ZFHX3: variants seen among roughly 807,000 people sequenced by gnomAD.
ZFHX3 encodes the protein zinc finger homeobox 3, also known as zinc finger homeobox protein 3.
In ZFHX3, 42 loss-of-function variants were observed where a neutral mutation model predicts 279.1. That is an observed-to-expected ratio of 0.15 (90% CI 0.12 to 0.19). The LOEUF (loss-of-function observed/expected upper bound fraction) is 0.19, where lower values mean the gene tolerates loss of function less well. Ranked by LOEUF, ZFHX3 falls within the 10% of genes least tolerant of loss-of-function variation. The probability of loss-of-function intolerance (pLI) is 1.00; values close to 1 mark genes in which losing one functional copy is unlikely to be tolerated. For synonymous variants in ZFHX3, 2,293 were observed against 1,957.8 expected, an observed-to-expected ratio of 1.17 and a Z score of -4.52; for missense variants, 4,981 against 4,754.0, an observed-to-expected ratio of 1.05 and a Z score of -1.40.
At chr16:72,870,417 GA>G (rs1324746313) in intron 4 of ZFHX3, among the ~76,000 whole-genome samples, 7 of 138,518 alleles carry the variant, frequency 5.1e-5, no homozygotes, top group East Asian at 2.5e-4. Flanking sequence ...AAAGAAAAAA[GA>G]AAAAAAAACG....
intron 1 of ZFHX3, among the ~76,000 whole-genome samples, chr16:73,723,247 G>C (rs976642656): frequency 2.0e-5 from 3 of 152,126 alleles, no homozygotes; most frequent in African/African-American, 7.2e-5. Flanking sequence ...TATGTGTAGA[G>C]AGTTTAGTAG....
chr16:72,818,676 G>GA (rs960380968), intron 5 of ZFHX3, among the ~76,000 whole-genome samples: 4 of 152,192 alleles, frequency 2.6e-5, no homozygotes, highest in Admixed American at 6.5e-5. Flanking sequence ...CAGCTAAAAA[G>GA]AAACTGAGGC....
chr16:72,893,380 C>G (rs1194946296), intron 3 of ZFHX3, among the ~76,000 whole-genome samples: 2 of 152,134 alleles, frequency 1.3e-5, no homozygotes, highest in Admixed American at 1.3e-4. Flanking sequence ...AGTTCTATTC[C>G]AAATGGCTGG....
At chr16:72,803,618 A>C (rs1285911614) in intron 7 of ZFHX3, among the ~76,000 whole-genome samples, 1 of 152,212 alleles carries the variant, frequency 6.6e-6, no homozygotes, top group Non-Finnish European at 1.5e-5. Flanking sequence ...GAGCCAAACG[A>C]AAAAAGTTCT....
chr16:73,672,743 C>CT (rs5817865), intron 2 of ZFHX3, among the ~76,000 whole-genome samples: 149,238 of 152,208 alleles, frequency 0.98, 73,192 homozygotes, highest in East Asian at 1. Context: ...AGAGCATATG[C>CT]TTTTTATACC....
At chr16:73,810,881 A>G (rs961982174) in intron 1 of ZFHX3, among the ~76,000 whole-genome samples, 2 of 152,070 alleles carry the variant, frequency 1.3e-5, no homozygotes, top group African/African-American at 4.8e-5. Flanking sequence ...CTAAAATTCT[A>G]CTAATTTTAT....
intron 2 of ZFHX3, among the ~76,000 whole-genome samples, chr16:73,496,782 G>C (rs1266868067): frequency 6.6e-6 from 1 of 152,150 alleles, no homozygotes; most frequent in Non-Finnish European, 1.5e-5. Context: ...TGCCAAATGG[G>C]AGGCACTGGG....
intron 1 of ZFHX3, among the ~76,000 whole-genome samples, chr16:73,887,868 A>T (rs2030399867): frequency 6.6e-6 from 1 of 152,124 alleles, no homozygotes; most frequent in Non-Finnish European, 1.5e-5. Flanking sequence ...TTTTTAAAAA[A>T]ACAAACTTTT....
At chr16:73,388,232 G>A (rs1314907080) in intron 3 of ZFHX3, among the ~76,000 whole-genome samples, 1 of 152,108 alleles carries the variant, frequency 6.6e-6, no homozygotes, top group Non-Finnish European at 1.5e-5. Context: ...AAGTGTCTAT[G>A]TGTATCCAGG....
intron 3 of ZFHX3, among the ~76,000 whole-genome samples, chr16:73,329,462 T>G (rs577591235): frequency 1.3e-5 from 2 of 152,392 alleles, no homozygotes; most frequent in South Asian, 4.1e-4. Flanking sequence ...CATGTCCAGA[T>G]GCCTCGACCG....
chr16:73,055,945 G>A (rs1965547792), intron 1 of ZFHX3, among the ~76,000 whole-genome samples: 1 of 152,070 alleles, frequency 6.6e-6, no homozygotes, highest in Non-Finnish European at 1.5e-5. Context: ...CTCCTCTCTG[G>A]ACCGGAGCAG....
intron 5 of ZFHX3, among the ~76,000 whole-genome samples, chr16:73,155,180 C>CAAAAAAAAAAAA (rs780941621): frequency 9.5e-6 from 1 of 105,174 alleles, no homozygotes; most frequent in South Asian, 2.9e-4. Flanking sequence ...CTCAAAAAAA[C>CAAAAAAAAAAAA]AAAAAAAAAA....
chr16:72,860,511 A>C (rs986846752), intron 4 of ZFHX3, among the ~76,000 whole-genome samples: 2 of 151,996 alleles, frequency 1.3e-5, no homozygotes, highest in African/African-American at 4.8e-5. Flanking sequence ...GCTCACTGCA[A>C]CCTCTCCCTC....
intron 2 of ZFHX3, among the ~76,000 whole-genome samples, chr16:73,543,508 TGGTAA>T (rs2020053487): frequency 5.3e-5 from 8 of 152,102 alleles, no homozygotes; most frequent in African/African-American, 1.9e-4. Flanking sequence ...TAGAAACCCC[TGGTAA>T]TTAGCAGCGG....
intron 3 of ZFHX3, among the ~76,000 whole-genome samples, chr16:73,411,364 T>C (rs2017462822): frequency 6.6e-6 from 1 of 152,228 alleles, no homozygotes; most frequent in South Asian, 2.1e-4. Flanking sequence ...AATATGCACA[T>C]AAACTATTCC....
chr16:73,817,228 G>T (rs968690460), intron 1 of ZFHX3, among the ~76,000 whole-genome samples: 1 of 152,192 alleles, frequency 6.6e-6, no homozygotes, highest in Admixed American at 6.5e-5. Flanking sequence ...TTCATACCAT[G>T]ACTCAGGTCC....
chr16:73,693,259 G>C (rs1258874433), intron 1 of ZFHX3, among the ~76,000 whole-genome samples: 1 of 152,062 alleles, frequency 6.6e-6, no homozygotes, highest in East Asian at 1.9e-4. Flanking sequence ...ATTTTTTCCA[G>C]TACCATGTCC....
At chr16:73,603,966 A>G (rs1250384769) in intron 2 of ZFHX3, among the ~76,000 whole-genome samples, 1 of 151,750 alleles carries the variant, frequency 6.6e-6, no homozygotes, top group Non-Finnish European at 1.5e-5. Context: ...TCCAGTAGAG[A>G]TAGTGTTTCT....
chr16:73,089,189 C>G (rs200370320), intron 8 of ZFHX3, among the ~76,000 whole-genome samples: 1 of 152,032 alleles, frequency 6.6e-6, no homozygotes, highest in Non-Finnish European at 1.5e-5. Context: ...CTGCAACCTC[C>G]GCCTCCCAGG....
Sources: allele counts gnomAD v4.1 joint callset (sites outside exome capture counted in the v4.1 genomes callset), GRCh38; gene constraint gnomAD v4.1.1; transcripts MANE v1.5; gene names NCBI Gene and HGNC (gene_info 2026-07-23, HGNC 2026-07-21).